ANKRD36: variants seen among roughly 807,000 people sequenced by gnomAD.
ANKRD36 encodes ankyrin repeat domain-containing protein 36A.
A neutral mutation model predicts 278.1 loss-of-function variants in ANKRD36; 179 were observed. The observed-to-expected ratio is 0.64, with a 90% CI of 0.57 to 0.73. The LOEUF (loss-of-function observed/expected upper bound fraction) is 0.73, where lower values mean the gene tolerates loss of function less well. Ranked by LOEUF, ANKRD36 falls within the 30% of genes least tolerant of loss-of-function variation. The probability of loss-of-function intolerance (pLI) is 0.00; values close to 1 mark genes in which losing one functional copy is unlikely to be tolerated. For synonymous variants in ANKRD36, 320 were observed against 641.1 expected (o/e 0.50, Z 7.57); for missense variants, 1,159 against 1,956.7 (o/e 0.59, Z 7.69).
At chr2:97,242,334 G>A (rs1450273937) in intron 69 of ANKRD36, among the ~76,000 whole-genome samples, 1 of 151,880 alleles carries the variant, frequency 6.6e-6, no homozygotes, top group Non-Finnish European at 1.5e-5. Context: ...TAATATGCAG[G>A]GAATGAAAAG....
chr2:97,200,040 T>C (rs1217954875), intron 44 of ANKRD36, among the ~76,000 whole-genome samples: 105 of 151,976 alleles, frequency 6.9e-4, no homozygotes, highest in Non-Finnish European at 6.2e-4. Flanking sequence ...TTAGATCACA[T>C]TTGTTCTCAT....
chr2:97,205,809 C>A, intron 50 of ANKRD36, 131 bp from the exon 51 acceptor site: 1 of 1,294,806 alleles, frequency 7.7e-7, no homozygotes, highest in East Asian at 2.5e-5. Context: ...TCCCCAGACA[C>A]AAAGTAGAAG....
intron 46 of ANKRD36, among the ~76,000 whole-genome samples, 174 bp downstream of exon 46, chr2:97,200,699 C>A (rs367920290): frequency 1.8e-3 from 267 of 151,970 alleles, no homozygotes; most frequent in African/African-American, 5.7e-3. Flanking sequence ...GCAGCATGAT[C>A]TTCGCTGTAA....
intron 75 of ANKRD36, among the ~76,000 whole-genome samples, chr2:97,260,862 C>A (rs1245015434): frequency 8.8e-6 from 1 of 113,526 alleles, no homozygotes; most frequent in Non-Finnish European, 1.6e-5. Flanking sequence ...CTTTACCTTG[C>A]ACTTTTATGT....
intron 48 of ANKRD36, 89 bp downstream of exon 48, chr2:97,202,482 A>C: frequency 6.6e-7 from 1 of 1,514,940 alleles, no homozygotes; most frequent in East Asian, 2.5e-5. Context: ...GGCTCGTCGA[A>C]GCTGCACTTT....
chr2:97,191,359 C>G (rs1205415392), intron 36 of ANKRD36, among the ~76,000 whole-genome samples, 178 bp downstream of exon 36: 1 of 151,676 alleles, frequency 6.6e-6, no homozygotes, highest in Non-Finnish European at 1.5e-5. Flanking sequence ...GGAACATGAT[C>G]TTCGCAGTAA....
At chr2:97,165,332 A>G (rs1373521866) in intron 20 of ANKRD36, among the ~76,000 whole-genome samples, 2 of 152,010 alleles carry the variant, frequency 1.3e-5, no homozygotes, top group Non-Finnish European at 2.9e-5. Context: ...ACTGCACCAC[A>G]TATTTGATTT....
At chr2:97,140,639 G>T (rs1415571915) in intron 6 of ANKRD36, among the ~76,000 whole-genome samples, 1 of 151,962 alleles carries the variant, frequency 6.6e-6, no homozygotes, top group African/African-American at 2.4e-5. Context: ...GGCTGCTTTT[G>T]TGAAGAAGGA....
chr2:97,178,048 A>T lies in ANKRD36; in HGVS notation c.1634-1690A>T, dbSNP rs576941998. 3.3e-5 allele frequency among the ~76,000 whole-genome samples: 5 copies of T among 150,562 alleles called. No homozygotes were observed. The South Asian group carries it at 1.1e-3, about 33-fold the overall frequency. On this transcript the variant is annotated intron_variant, in intron 22 of 75. Transcript: ENST00000420699. Reference sequence around the variant, plus strand: ...GAACAGACACTTCTCAAAAGAAGACATTTATGCAGCCAAAAAACACATGAA... The same window carrying T: ...GAACAGACACTTCTCAAAAGAAGACTTTTATGCAGCCAAAAAACACATGAA...
chr2:97,206,739 A>T (rs1248476377), intron 52 of ANKRD36, among the ~76,000 whole-genome samples: 2 of 151,568 alleles, frequency 1.3e-5, no homozygotes, highest in African/African-American at 4.8e-5. Context: ...AACTGCTGGA[A>T]GAAGGAAGCA....
chr2:97,115,440 TAAC>T (rs1246836348), intron 1 of ANKRD36, among the ~76,000 whole-genome samples: 14 of 152,084 alleles, frequency 9.2e-5, no homozygotes, highest in African/African-American at 3.4e-4. Context: ...AAGAAAAAAT[TAAC>T]AAAAGACAAT....
At position 97,250,150 on chromosome 2, in the gene ANKRD36, CAGGTGTTTG is replaced by C. The variant is rs2075775845; in HGVS notation, c.5734_5742del (p.Val1912_Glu1914del). Reference sequence around the variant, plus strand: ...AATATTTGATTTATTTCAGATGCTGCAGGTGTTTGAGAGCTAGATGAAGGTATGTTGCCA... The same window carrying C: ...AATATTTGATTTATTTCAGATGCTGCAGAGCTAGATGAAGGTATGTTGCCA... On this transcript the variant is annotated inframe_deletion, in exon 75 of 76. Coordinates refer to ENST00000420699, the MANE Select transcript of ANKRD36 (RefSeq NM_001354587.1). The C allele has an allele frequency of 3.3e-6, 2 of 602,350 alleles. No individual in the cohort carries two copies. Among genetic ancestry groups the C allele is most frequent in the Non-Finnish European group, 5.2e-6 (2 of 383,040 alleles). The allele number at this position is 602,350 out of a possible 1,614,324, so 37.3% of individuals were successfully genotyped here. A position where few individuals can be genotyped will look rare whatever the true frequency, so the allele number is the denominator to read the frequency against.
chr2:97,135,798 A>G (rs1401634861), intron 6 of ANKRD36, among the ~76,000 whole-genome samples: 2 of 151,960 alleles, frequency 1.3e-5, no homozygotes, highest in African/African-American at 2.4e-5. Flanking sequence ...ACTACTCAGA[A>G]TCTTAGGCAA....
chr2:97,174,635 T>A, intron 22 of ANKRD36, among the ~76,000 whole-genome samples: 1 of 151,740 alleles, frequency 6.6e-6, no homozygotes, highest in Admixed American at 6.6e-5. Flanking sequence ...CCTGCCTAAT[T>A]GCCCTGGCCA....
chr2:97,162,745 G>A (rs932517408), intron 18 of ANKRD36, among the ~76,000 whole-genome samples: 5 of 145,366 alleles, frequency 3.4e-5, no homozygotes, highest in Admixed American at 7.0e-5. Flanking sequence ...AATGATATGC[G>A]CTTCATTCAT....
At position 97,134,501 on chromosome 2, in the gene ANKRD36, C is replaced by T. The variant is rs1396304384; in HGVS notation, c.799+7367C>T. On this transcript the variant is annotated intron_variant, in intron 6 of 75. Coordinates refer to ENST00000420699, the MANE Select transcript of ANKRD36 (RefSeq NM_001354587.1). Reference sequence around the variant, plus strand: ...ATTTACCTTGCAGTTGGAAATAAGACCAGCTAGTAAATACTGTAGGCATAC... The same window carrying T: ...ATTTACCTTGCAGTTGGAAATAAGATCAGCTAGTAAATACTGTAGGCATAC... Among the ~76,000 whole-genome samples, 20 of 152,014 alleles carry T rather than the reference C, an allele frequency of 1.3e-4. 1 individual carries two copies. Among genetic ancestry groups the T allele is most frequent in the Admixed American group, 3.3e-4 (5 of 15,210 alleles).
chr2:97,226,025 T>C (rs1288919033), intron 67 of ANKRD36, among the ~76,000 whole-genome samples: 1 of 151,888 alleles, frequency 6.6e-6, no homozygotes, highest in East Asian at 2.0e-4. Context: ...CAGACTATCA[T>C]TGTTGGACAT....
At chr2:97,130,695 C>A (rs1435242631) in intron 6 of ANKRD36, among the ~76,000 whole-genome samples, 1 of 151,874 alleles carries the variant, frequency 6.6e-6, no homozygotes, top group African/African-American at 2.4e-5. Flanking sequence ...TATACCAAGT[C>A]TCTGTGTTCT....
chr2:97,203,743 G>C (rs866932215), intron 48 of ANKRD36, among the ~76,000 whole-genome samples: 64 of 151,890 alleles, frequency 4.2e-4, no homozygotes, highest in Middle Eastern at 3.4e-3. Context: ...TGATTCTGAC[G>C]TGTATGAGTT....
Sources: gnomAD v4.1 joint callset for allele counts (sites outside exome capture counted in the v4.1 genomes callset) on GRCh38, gnomAD v4.1.1 for gene constraint, MANE v1.5 for transcripts, NCBI Gene and HGNC (gene_info 2026-07-23, HGNC 2026-07-21) for gene names.